Variants in LOC128462377 observed in about 807,000 individuals in gnomAD.
the LOC128462377 span, among the ~76,000 whole-genome samples, chr16:89,369,918 A>G: frequency 6.6e-6 from 1 of 152,186 alleles, no homozygotes; most frequent in Admixed American, 6.5e-5. Flanking sequence ...CTCAGAAGAA[A>G]ACAAACAAAA....
At chr16:89,343,131 G>T in the LOC128462377 span, among the ~76,000 whole-genome samples, 1 of 152,174 alleles carries the variant, frequency 6.6e-6, no homozygotes, top group African/African-American at 2.4e-5. Flanking sequence ...TGGGATTACA[G>T]GTGTGTGCCA....
the LOC128462377 span, among the ~76,000 whole-genome samples, chr16:89,405,171 G>A: frequency 1.3e-5 from 2 of 151,960 alleles, no homozygotes; most frequent in African/African-American, 2.4e-5. Flanking sequence ...TCCAGCCTGG[G>A]CGACAGAGCA....
chr16:89,410,532 G>A, the LOC128462377 span, among the ~76,000 whole-genome samples: 13 of 152,182 alleles, frequency 8.5e-5, no homozygotes, highest in South Asian at 1.9e-3. Context: ...ACCTGCCCCC[G>A]GGCTACAAAG....
chr16:89,352,301 C>CT, the LOC128462377 span, among the ~76,000 whole-genome samples: 23 of 152,080 alleles, frequency 1.5e-4, no homozygotes, highest in East Asian at 3.3e-3. Flanking sequence ...ATGCATCACG[C>CT]CACGCGGTGC....
the LOC128462377 span, among the ~76,000 whole-genome samples, chr16:89,337,291 C>A: frequency 6.6e-6 from 1 of 151,942 alleles, no homozygotes; most frequent in Admixed American, 6.6e-5. Flanking sequence ...AAGGAGAGGA[C>A]TTCAGGTGGC....
At chr16:89,360,937 G>T in the LOC128462377 span, among the ~76,000 whole-genome samples, 1 of 152,112 alleles carries the variant, frequency 6.6e-6, no homozygotes, top group African/African-American at 2.4e-5. Context: ...CCTGTGTCGG[G>T]ACTTGGCCAC....
chr16:89,371,244 G>A, the LOC128462377 span, among the ~76,000 whole-genome samples: 1 of 152,168 alleles, frequency 6.6e-6, no homozygotes, highest in Non-Finnish European at 1.5e-5. Flanking sequence ...ACTGAAGAAA[G>A]GCCACCTACA....
chr16:89,410,531 C>G, the LOC128462377 span, among the ~76,000 whole-genome samples: 2 of 152,140 alleles, frequency 1.3e-5, no homozygotes, highest in African/African-American at 2.4e-5. Flanking sequence ...CACCTGCCCC[C>G]GGGCTACAAA....
At chr16:89,352,118 T>C in the LOC128462377 span, among the ~76,000 whole-genome samples, 1 of 152,118 alleles carries the variant, frequency 6.6e-6, no homozygotes, top group Non-Finnish European at 1.5e-5. Context: ...CTCAAACTCC[T>C]GACCTCAAGT....
the LOC128462377 span, among the ~76,000 whole-genome samples, chr16:89,349,463 G>C: frequency 6.6e-6 from 1 of 151,918 alleles, no homozygotes; most frequent in Non-Finnish European, 1.5e-5. Flanking sequence ...CTGGGCGACA[G>C]AGCGAGACTC....
the LOC128462377 span, among the ~76,000 whole-genome samples, chr16:89,388,026 AAG>A: frequency 6.6e-6 from 1 of 151,934 alleles, no homozygotes; most frequent in Non-Finnish European, 1.5e-5. Flanking sequence ...AAAAAAAAAA[AAG>A]GACTGTGCTC....
At chr16:89,328,296 G>A in the LOC128462377 span, among the ~76,000 whole-genome samples, 2 of 152,180 alleles carry the variant, frequency 1.3e-5, no homozygotes, top group Non-Finnish European at 2.9e-5. Context: ...GCAGCCTTAC[G>A]AACCTAAGTG....
chr16:89,396,386 A>G, the LOC128462377 span, among the ~76,000 whole-genome samples: 2 of 152,168 alleles, frequency 1.3e-5, no homozygotes, highest in African/African-American at 4.8e-5. Flanking sequence ...CACTCGCCGC[A>G]AGAGAGACCA....
At chr16:89,392,365 G>A in the LOC128462377 span, 1 of 152,434 alleles carries the variant, frequency 6.6e-6, no homozygotes, top group South Asian at 2.1e-4. Flanking sequence ...ATCACAAGAA[G>A]CTAAAATTCA....
chr16:89,403,368 G>A, the LOC128462377 span, among the ~76,000 whole-genome samples: 1 of 152,188 alleles, frequency 6.6e-6, no homozygotes, highest in Non-Finnish European at 1.5e-5. Context: ...ACATGGAGGA[G>A]CTCATCTGTC....
At chr16:89,359,135 A>G in the LOC128462377 span, among the ~76,000 whole-genome samples, 1 of 152,150 alleles carries the variant, frequency 6.6e-6, no homozygotes, top group South Asian at 2.1e-4. Context: ...CACTGTCCTC[A>G]TCTAAAAGAC....
chr16:89,392,056 A>G, the LOC128462377 span, among the ~76,000 whole-genome samples: 1 of 150,146 alleles, frequency 6.7e-6, no homozygotes, highest in East Asian at 1.9e-4. Flanking sequence ...TGCCTCTTTT[A>G]AAAAGTTCTA....
chr16:89,358,110 G>C, the LOC128462377 span, among the ~76,000 whole-genome samples: 4 of 152,242 alleles, frequency 2.6e-5, no homozygotes, highest in African/African-American at 9.6e-5. Context: ...CACAGGTCAA[G>C]CTGTGACAGT....
the LOC128462377 span, among the ~76,000 whole-genome samples, chr16:89,390,382 A>C: frequency 6.6e-6 from 1 of 152,170 alleles, no homozygotes; most frequent in East Asian, 1.9e-4. Flanking sequence ...GAGAGAGAGA[A>C]GATCACTGGA....
Sources: allele counts gnomAD v4.1 joint callset (sites outside exome capture counted in the v4.1 genomes callset), GRCh38; gene constraint gnomAD v4.1.1; transcripts MANE v1.5.